Variants in ZNF512 observed in about 807,000 individuals in gnomAD.
ZNF512 encodes the protein zinc finger protein 512.
In ZNF512, 25 loss-of-function variants were observed where a neutral mutation model predicts 77.5. The ratio of observed to expected loss-of-function variants is 0.32; its 90% confidence interval spans 0.23 to 0.45. The LOEUF (loss-of-function observed/expected upper bound fraction) is 0.45, where lower values mean the gene tolerates loss of function less well. Ranked by LOEUF, ZNF512 falls within the 20% of genes least tolerant of loss-of-function variation. The pLI, the probability that ZNF512 is intolerant of heterozygous loss-of-function variation, is 1.00. For synonymous variants in ZNF512, 246 were observed against 239.9 expected (o/e 1.03, Z -0.24); for missense variants, 483 against 692.6 (o/e 0.70, Z 3.40).
intron 9 of ZNF512, among the ~76,000 whole-genome samples, chr2:27,603,578 G>GTGTGTGTGTGTGTGTGTGTGTC: frequency 1.1e-5 from 1 of 92,740 alleles, no homozygotes; most frequent in African/African-American, 5.1e-5. Context: ...TATATAGTGT[G>GTGTGTGTGTGTGTGTGTGTGTC]TGTGTGTGTA....
intron 9 of ZNF512, among the ~76,000 whole-genome samples, chr2:27,607,049 T>C (rs1297257367): frequency 2.0e-5 from 3 of 152,112 alleles, no homozygotes; most frequent in African/African-American, 4.8e-5. Context: ...CTCCTGCCTC[T>C]TCTTCTGCTG....
At chr2:27,600,634 C>T (rs1405523515) in intron 5 of ZNF512, 57 bp from the exon 6 acceptor site, 1 of 1,574,668 alleles carries the variant, frequency 6.4e-7, no homozygotes, top group Non-Finnish European at 8.6e-7. Context: ...TGGGATTATG[C>T]TTTTTGTTTC....
In ZNF512 at chr2:27,599,999, A is replaced by C; in HGVS notation, c.403A>C (p.Asn135His). The change falls in exon 5 of 14, where the codon AAT becomes CAT. Residue 135 changes from asparagine (N) to histidine (H), a missense_variant. Around this residue, in one of 2 missense-constraint regions of ZNF512, gnomAD observed 159 missense variants for 167.5 expected, o/e 0.95. Coordinates refer to ENST00000355467, the MANE Select transcript of ZNF512 (RefSeq NM_032434.4). ...GAAGCAACGGCCTAAAACTCAGCCC[A>C]ATCCCAAATCCCAGGCCCGTCGTAT... Reference protein sequence around the residue: ...GRKQRPKTQPNPKSQARRIRK... With the variant: ...GRKQRPKTQPHPKSQARRIRK... 1.2e-6 allele frequency: 2 copies of C among 1,614,218 alleles called. No homozygotes were observed. Among genetic ancestry groups the C allele is most frequent in the Non-Finnish European group, 1.7e-6 (2 of 1,180,028 alleles).
chr2:27,611,930 T>A (rs556371373), intron 10 of ZNF512, among the ~76,000 whole-genome samples: 2 of 152,146 alleles, frequency 1.3e-5, no homozygotes, highest in African/African-American at 4.8e-5. Context: ...ACTCCTGATC[T>A]TGTGATCCAC....
intron 10 of ZNF512, among the ~76,000 whole-genome samples, chr2:27,614,555 G>A (rs953803728): frequency 6.6e-6 from 1 of 152,164 alleles, no homozygotes; most frequent in South Asian, 2.1e-4. Context: ...TACCAGAGAT[G>A]TAGTCCCAGC....
intron 10 of ZNF512, among the ~76,000 whole-genome samples, chr2:27,611,697 ATTT>A (rs1265896912): frequency 3.6e-5 from 5 of 137,028 alleles, no homozygotes; most frequent in African/African-American, 5.4e-5. Flanking sequence ...TGCCAGTAGC[ATTT>A]TTTTTTTTTT....
At chr2:27,601,267 A>T in intron 6 of ZNF512, 89 bp from the exon 7 acceptor site, 1 of 897,252 alleles carries the variant, frequency 1.1e-6, no homozygotes, top group Non-Finnish European at 1.7e-6. Flanking sequence ...GAAATAAAGG[A>T]GACATAGATG....
chr2:27,591,723 T>C (rs1478557748), intron 2 of ZNF512, among the ~76,000 whole-genome samples: 1 of 152,232 alleles, frequency 6.6e-6, no homozygotes, highest in Non-Finnish European at 1.5e-5. Flanking sequence ...AATTATTTTT[T>C]GTAGAGACAA....
At chr2:27,614,757 T>C (rs1672810982) in intron 10 of ZNF512, among the ~76,000 whole-genome samples, 1 of 152,082 alleles carries the variant, frequency 6.6e-6, no homozygotes, top group Non-Finnish European at 1.5e-5. Context: ...TTTACTCATC[T>C]ACATTTATTT....
intron 10 of ZNF512, among the ~76,000 whole-genome samples, chr2:27,611,697 ATTTT>A (rs1265896912): frequency 1.5e-5 from 2 of 137,038 alleles, no homozygotes; most frequent in Non-Finnish European, 3.2e-5. Context: ...TGCCAGTAGC[ATTTT>A]TTTTTTTTTT....
In ZNF512 at chr2:27,598,271, C is replaced by G. The variant is rs1467038587; in HGVS notation, c.277+17C>G. On this transcript the variant is annotated intron_variant, in intron 3 of 13. Transcript: ENST00000355467. Reference sequence around the variant, plus strand: ...ATGTCGAAGGTATCAATATCAGTGTCTTATTCTGAAGACGGGCCACTTCCT... The same window carrying G: ...ATGTCGAAGGTATCAATATCAGTGTGTTATTCTGAAGACGGGCCACTTCCT... The G allele has an allele frequency of 6.2e-7, 1 of 1,600,702 alleles. No individual in the cohort carries two copies. The highest frequency in any genetic ancestry group is 1.7e-5 in the Admixed American group (1 of 59,894).
In ZNF512 at chr2:27,599,965, G is replaced by T; in HGVS notation, c.374-5G>T. On this transcript the variant is annotated splice_polypyrimidine_tract_variant and splice_region_variant and intron_variant, in intron 4 of 13. Coordinates refer to ENST00000355467, the MANE Select transcript of ZNF512 (RefSeq NM_032434.4). ...GCTGGGCTTCAAGTTTCTGTCTTAT[G>T]TCAGGGAGGAAGCAACGGCCTAAAA... 1 of 1,614,204 alleles carries T rather than the reference G, an allele frequency of 6.2e-7. No individual in the cohort carries two copies.
chr2:27,611,697 A>AT lies in ZNF512; in HGVS notation c.1132-3454dup, dbSNP rs1265896912. Among the ~76,000 whole-genome samples the AT allele has an allele frequency of 8.6e-3, 1,183 of 137,042 alleles. 9 individuals carry two copies. The highest frequency in any genetic ancestry group is 0.025 in the East Asian group (117 of 4,752). 89.9% of individuals were successfully genotyped at this position (137,042 alleles called of 152,430 possible). ...TCCATTGACAATATTTGCCAGTAGC[A>AT]TTTTTTTTTTTTTTTTTGGAGACGG... On this transcript the variant is annotated intron_variant, in intron 10 of 13. Transcript: ENST00000355467.
chr2:27,593,187 C>A, intron 2 of ZNF512, among the ~76,000 whole-genome samples: 1 of 128,816 alleles, frequency 7.8e-6, no homozygotes, highest in South Asian at 2.7e-4. Context: ...AAAGTGAGAC[C>A]CTGTCTCTAC....
intron 1 of ZNF512, 42 bp downstream of exon 1, chr2:27,583,184 T>C (rs1357304579): frequency 6.2e-7 from 1 of 1,613,956 alleles, no homozygotes; most frequent in African/African-American, 1.3e-5. Flanking sequence ...GAGGTAGCGC[T>C]GTCGAGCCCG....
chr2:27,585,719 A>C (rs1013666010), intron 2 of ZNF512, among the ~76,000 whole-genome samples: 1 of 152,344 alleles, frequency 6.6e-6, no homozygotes, highest in East Asian at 1.9e-4. Flanking sequence ...TTTTTGGTAG[A>C]TCAGAAAGGA....
At chr2:27,583,955 TC>T (rs1671224463) in intron 2 of ZNF512, among the ~76,000 whole-genome samples, 2 of 152,132 alleles carry the variant, frequency 1.3e-5, no homozygotes, top group African/African-American at 4.8e-5. Context: ...GCCAGCGCTG[TC>T]CAGTGGAACT....
At chr2:27,600,385 G>C (rs1033827589) in intron 5 of ZNF512, among the ~76,000 whole-genome samples, 8 of 152,182 alleles carry the variant, frequency 5.3e-5, no homozygotes, top group African/African-American at 1.9e-4. Context: ...AGGCTGTGAC[G>C]TTTCTCAGTA....
chr2:27,591,707 C>G (rs1007145504), intron 2 of ZNF512, among the ~76,000 whole-genome samples: 56 of 152,216 alleles, frequency 3.7e-4, no homozygotes, highest in African/African-American at 1.3e-3. Context: ...CCGCGCCCAG[C>G]CTTAAAATTA....
Sources: gnomAD v4.1 joint callset for allele counts (sites outside exome capture counted in the v4.1 genomes callset) on GRCh38, gnomAD v4.1.1 for gene constraint, gnomAD v4.1.1 regional missense constraint, MANE v1.5 for transcripts, NCBI Gene and HGNC (gene_info 2026-07-23, HGNC 2026-07-21) for gene names.